Variants in CNTN5 observed in about 807,000 individuals in gnomAD.
CNTN5 encodes contactin-5.
CNTN5 carries 77 observed loss-of-function variants against 129.1 expected under a neutral mutation model. The observed-to-expected ratio is 0.60, with a 90% CI of 0.50 to 0.72. CNTN5 has a LOEUF of 0.72. Ranked by LOEUF, CNTN5 falls within the 30% of genes least tolerant of loss-of-function variation. The probability of loss-of-function intolerance (pLI) is 0.00; values close to 1 mark genes in which losing one functional copy is unlikely to be tolerated. For synonymous variants in CNTN5, 509 were observed against 465.6 expected, an observed-to-expected ratio of 1.09 and a Z score of -1.20; for missense variants, 1,478 against 1,328.8, an observed-to-expected ratio of 1.11 and a Z score of -1.75.
chr11:99,640,641 G>A (rs1951735952), intron 3 of CNTN5, among the ~76,000 whole-genome samples: 3 of 152,246 alleles, frequency 2.0e-5, no homozygotes, highest in African/African-American at 7.2e-5. Flanking sequence ...AATTACCATT[G>A]TGTTATAATT....
At chr11:99,713,111 C>G (rs1336409303) in intron 3 of CNTN5, among the ~76,000 whole-genome samples, 1 of 152,108 alleles carries the variant, frequency 6.6e-6, no homozygotes, top group Non-Finnish European at 1.5e-5. Flanking sequence ...TTTATCCTAT[C>G]CATGAGCATG....
At chr11:99,207,258 A>G (rs1859532059) in intron 1 of CNTN5, among the ~76,000 whole-genome samples, 2 of 152,294 alleles carry the variant, frequency 1.3e-5, no homozygotes, top group South Asian at 4.1e-4. Flanking sequence ...CATCTGAAGC[A>G]TGTACCACAT....
rs1228824194 is a variant in CNTN5 at position 100,341,196 on chromosome 11, G to C, written c.3021G>C (p.Val1007=). ...VIPLANESEV[V]GYKVFYRQEG... ...CATTAGCCAACGAATCTGAAGTTGTGGGTTACAAGGTCAGTATTTCTTCAC... is the reference window on the plus strand; with the variant it reads ...CATTAGCCAACGAATCTGAAGTTGTCGGTTACAAGGTCAGTATTTCTTCAC... Residue 1007 remains valine (V), a synonymous_variant, in exon 23 of 25, where the codon GTG becomes GTC. Transcript: ENST00000524871. 6.8e-6 allele frequency: 11 copies of C among 1,610,212 alleles called. No homozygotes were observed. Among genetic ancestry groups the C allele is most frequent in the Non-Finnish European group, 9.3e-6 (11 of 1,176,526 alleles).
At chr11:99,263,791 A>T (rs1329939139) in intron 1 of CNTN5, among the ~76,000 whole-genome samples, 4 of 147,794 alleles carry the variant, frequency 2.7e-5, no homozygotes, top group Admixed American at 1.4e-4. Flanking sequence ...CCAGCTATTA[A>T]TTTTTTTTTT....
chr11:99,845,340 G>A (rs1051529167), intron 6 of CNTN5, 78 bp downstream of exon 6: 5 of 464,692 alleles, frequency 1.1e-5, no homozygotes, highest in Admixed American at 1.1e-4. Context: ...ATTTAGTTCA[G>A]GAAAGAAAAG....
intron 2 of CNTN5, among the ~76,000 whole-genome samples, chr11:99,479,945 TA>T (rs1260624258): frequency 6.6e-6 from 1 of 152,100 alleles, no homozygotes; most frequent in African/African-American, 2.4e-5. Context: ...AGACCAAATT[TA>T]TTCCCAATGG....
chr11:99,645,257 C>A (rs1296359494), intron 3 of CNTN5, among the ~76,000 whole-genome samples: 1 of 26,826 alleles, frequency 3.7e-5, no homozygotes, highest in South Asian at 2.7e-3. Context: ...GAGGCTCCAT[C>A]TCAACAAAAA....
intron 8 of CNTN5, among the ~76,000 whole-genome samples, chr11:99,983,005 C>T (rs1344744818): frequency 6.6e-6 from 1 of 152,044 alleles, no homozygotes; most frequent in African/African-American, 2.4e-5. Context: ...TAACAGGTAG[C>T]CAGATAGAAG....
chr11:99,440,625 A>G (rs1458587550), intron 2 of CNTN5, among the ~76,000 whole-genome samples: 2 of 152,168 alleles, frequency 1.3e-5, no homozygotes, highest in Non-Finnish European at 2.9e-5. Flanking sequence ...GACTTTGTCC[A>G]TAGCCTTGTG....
chr11:99,156,511 T>C (rs1234795885), intron 1 of CNTN5, among the ~76,000 whole-genome samples: 2 of 152,034 alleles, frequency 1.3e-5, no homozygotes, highest in Non-Finnish European at 1.5e-5. Flanking sequence ...ATCATTAAAA[T>C]TTTTAGCTTA....
intron 3 of CNTN5, among the ~76,000 whole-genome samples, chr11:99,660,341 C>G (rs970882020): frequency 2.6e-5 from 4 of 151,928 alleles, no homozygotes; most frequent in Non-Finnish European, 5.9e-5. Context: ...GAAGTGGGGC[C>G]AAGGAAGATT....
chr11:99,899,157 C>T (rs960439559), intron 6 of CNTN5, among the ~76,000 whole-genome samples: 1 of 152,030 alleles, frequency 6.6e-6, no homozygotes, highest in Non-Finnish European at 1.5e-5. Context: ...GGTAAACAAT[C>T]ATATCTTCAG....
At chr11:100,204,297 A>ACATATATATATAT (rs1555039166) in intron 15 of CNTN5, among the ~76,000 whole-genome samples, 1 of 17,658 alleles carries the variant, frequency 5.7e-5, no homozygotes, top group South Asian at 2.6e-3. Context: ...AACATTGACT[A>ACATATATATATAT]ATATATATAT....
At chr11:100,082,896 C>A (rs895450691) in intron 13 of CNTN5, among the ~76,000 whole-genome samples, 1 of 152,054 alleles carries the variant, frequency 6.6e-6, no homozygotes, top group African/African-American at 2.4e-5. Flanking sequence ...AATTGGCTCA[C>A]AGTTCTACAG....
chr11:99,234,009 A>G (rs1387797658), intron 1 of CNTN5, among the ~76,000 whole-genome samples: 1 of 152,192 alleles, frequency 6.6e-6, no homozygotes, highest in African/African-American at 2.4e-5. Flanking sequence ...ATACAGCTCA[A>G]AGAGAGGATG....
chr11:99,197,075 C>T (rs1037124624), intron 1 of CNTN5, among the ~76,000 whole-genome samples: 1 of 151,958 alleles, frequency 6.6e-6, no homozygotes, highest in South Asian at 2.1e-4. Flanking sequence ...AAAAATGACC[C>T]TGTTTTCAGA....
intron 1 of CNTN5, among the ~76,000 whole-genome samples, chr11:99,037,576 C>CTTTTTTTTT (rs1161467398): frequency 3.8e-5 from 4 of 105,670 alleles, no homozygotes; most frequent in African/African-American, 1.4e-4. Flanking sequence ...TTTTTCTTTT[C>CTTTTTTTTT]TTTTTTTTTT....
chr11:100,162,179 G>A (rs534942387), intron 13 of CNTN5, among the ~76,000 whole-genome samples: 79 of 151,760 alleles, frequency 5.2e-4, no homozygotes, highest in Non-Finnish European at 9.6e-4. Context: ...AAGTACCAAC[G>A]CAGAAGGTTG....
At chr11:99,416,599 TC>T (rs1240004703) in intron 2 of CNTN5, among the ~76,000 whole-genome samples, 1 of 152,068 alleles carries the variant, frequency 6.6e-6, no homozygotes, top group Non-Finnish European at 1.5e-5. Flanking sequence ...AATACTACTG[TC>T]ACAGGTGCAA....
Sources: allele counts gnomAD v4.1 joint callset (sites outside exome capture counted in the v4.1 genomes callset), GRCh38; gene constraint gnomAD v4.1.1; transcripts MANE v1.5; gene names NCBI Gene and HGNC (gene_info 2026-07-23, HGNC 2026-07-21).